The following KIF20A variants were observed in gnomAD, a reference collection of about 807,000 sequenced individuals.
KIF20A encodes kinesin-like protein KIF20A.
Under a neutral mutation model 113.0 loss-of-function variants are expected in KIF20A, and 66 were observed. The ratio of observed to expected loss-of-function variants is 0.58; its 90% confidence interval spans 0.48 to 0.72. The LOEUF (loss-of-function observed/expected upper bound fraction) is 0.72. KIF20A is among the 30% of genes least tolerant of loss of function. The pLI is 0.00. For missense variants in KIF20A, 927 were observed against 1,077.6 expected, an observed-to-expected ratio of 0.86 and a Z score of 1.96; for synonymous variants, 376 against 402.3, an observed-to-expected ratio of 0.93 and a Z score of 0.78.
chr5:138,181,767 G>A (rs1448954650), intron 4 of KIF20A, 39 bp downstream of exon 4: 7 of 1,609,566 alleles, frequency 4.3e-6, no homozygotes, highest in East Asian at 2.2e-5. Flanking sequence ...AGACCAACAT[G>A]TAAGGGCAAC....
chr5:138,186,070 C>G lies in KIF20A; in HGVS notation c.2217+18C>G. 1 of 1,606,344 alleles carries G rather than the reference C, an allele frequency of 6.2e-7. No homozygotes were observed. The highest frequency in any genetic ancestry group is 8.5e-7 in the Non-Finnish European group (1 of 1,173,280). On this transcript the variant is annotated intron_variant, in intron 17 of 18. Coordinates refer to ENST00000394894, the MANE Select transcript of KIF20A (RefSeq NM_005733.3). ...GCCAGAAGGTAATTACCACCATTCT[C>G]TGTTTACCAAACTCTTACCTAAGGC...
Position 138,185,810 on chromosome 5 carries a change from C to T in KIF20A, c.2125+100C>T, listed in dbSNP as rs969915699. The T allele has an allele frequency of 4.3e-6, 6 of 1,381,582 alleles. No homozygotes were observed. The East Asian group carries it at 9.3e-5, about 21-fold the overall frequency. The allele number at this position is 1,381,582 out of a possible 1,614,324, so 85.6% of individuals were successfully genotyped here. On this transcript the variant is annotated intron_variant, in intron 16 of 18. Transcript: ENST00000394894. ...TCCTGCTCTAACATAATTTCCTAAA[C>T]TGCAAGCTACATCCCCCTGACATTT...
intron 2 of KIF20A, 65 bp downstream of exon 2, chr5:138,179,910 G>C (rs1040748401): frequency 2.0e-5 from 30 of 1,529,670 alleles, no homozygotes; most frequent in Non-Finnish European, 2.6e-5. Context: ...TGTCCATACA[G>C]GGTAGTATGA....
At chr5:138,184,445 T>C in intron 12 of KIF20A, 41 bp downstream of exon 12, 1 of 1,612,900 alleles carries the variant, frequency 6.2e-7, no homozygotes. Context: ...CACTTGGAAC[T>C]GGTAACTCTA....
At chr5:138,186,507 G>A (rs765906052) in intron 18 of KIF20A, 76 bp downstream of exon 18, 43 of 1,478,864 alleles carry the variant, frequency 2.9e-5, no homozygotes, top group African/African-American at 4.3e-5. Context: ...AAGAGGACCA[G>A]AAGAAAAAGG....
Position 138,182,578 on chromosome 5 carries a change from G to A in KIF20A, c.515-8G>A. ...TGCCTCAGCTGTCCATCTTTCATATGCCTCCAGGTACCATCAAGGATGGAG... is the reference window on the plus strand; with the variant it reads ...TGCCTCAGCTGTCCATCTTTCATATACCTCCAGGTACCATCAAGGATGGAG... On this transcript the variant is annotated splice_polypyrimidine_tract_variant and splice_region_variant and intron_variant, in intron 5 of 18. Coordinates refer to ENST00000394894, the MANE Select transcript of KIF20A (RefSeq NM_005733.3). The A allele has an allele frequency of 6.2e-7, 1 of 1,613,994 alleles. No individual in the cohort carries two copies. Among genetic ancestry groups the A allele is most frequent in the Non-Finnish European group, 8.5e-7 (1 of 1,179,940 alleles).
chr5:138,187,621 T>C lies in KIF20A; in HGVS notation c.*208T>C. Reference sequence around the variant, plus strand: ...TTTTTATTTACTTATATGATTTCTATGCACACAAAAACAGTTATATTAAAG... The same window carrying C: ...TTTTTATTTACTTATATGATTTCTACGCACACAAAAACAGTTATATTAAAG... On this transcript the variant is annotated 3_prime_UTR_variant, in exon 19 of 19. Transcript: ENST00000394894. The C allele has an allele frequency of 2.2e-6, 1 of 452,338 alleles. No individual in the cohort carries two copies. The highest frequency in any genetic ancestry group is 3.9e-6 in the Non-Finnish European group (1 of 255,662). The allele number at this position is 452,338 out of a possible 1,614,324, so 28.0% of individuals were successfully genotyped here.
intron 14 of KIF20A, 73 bp from the exon 15 acceptor site, chr5:138,185,022 C>A: frequency 6.3e-7 from 1 of 1,593,242 alleles, no homozygotes; most frequent in Non-Finnish European, 8.6e-7. Context: ...TGGAGTTGTG[C>A]CTCAAGATCT....
intron 17 of KIF20A, 64 bp downstream of exon 17, chr5:138,186,116 C>G (rs913145621): frequency 3.3e-5 from 50 of 1,516,482 alleles, no homozygotes; most frequent in Non-Finnish European, 4.5e-5. Flanking sequence ...ATCCAACACT[C>G]TATCACTGGT....
rs1216299271 is a variant in KIF20A at position 138,185,969 on chromosome 5, A to C, written c.2134A>C (p.Lys712Gln). ...ELNSTTEELH[K>Q]YQKMLEPPPS... The stretch of plus-strand genomic sequence containing the variant: ...CTGTTTCCTTCCCTCAGAGTTGCAT[A>C]AGTATCAGAAAATGTTAGAACCACC... Residue 712 changes from lysine to glutamine, a missense_variant, in exon 17 of 19, where the codon AAG becomes CAG. Transcript: ENST00000394894. The C allele has an allele frequency of 6.2e-7, 1 of 1,613,920 alleles. No individual in the cohort carries two copies. The highest frequency in any genetic ancestry group is 8.5e-7 in the Non-Finnish European group (1 of 1,179,832).
At position 138,183,498 on chromosome 5, in the gene KIF20A, T is replaced by C. The variant is rs996737342; in HGVS notation, c.1056T>C (p.Ala352=). 1 of 1,614,002 alleles carries C rather than the reference T, an allele frequency of 6.2e-7. No homozygotes were observed. The highest frequency in any genetic ancestry group is 8.5e-7 in the Non-Finnish European group (1 of 1,180,016). The change falls in exon 9 of 19, where the codon GCT becomes GCC. Residue 352 remains alanine, a synonymous_variant. Transcript: ENST00000394894. This position sits in a 1 kb window ranked among gnomAD's most constrained non-coding sequence, Gnocchi z 5.2. ...KDLNWIHVQD[A]EEAWKLLKVG... ...TCAACTGGATTCATGTGCAAGATGCTGAGGAGGCCTGGAAGCTCCTAAAAG... is the reference window on the plus strand; with the variant it reads ...TCAACTGGATTCATGTGCAAGATGCCGAGGAGGCCTGGAAGCTCCTAAAAG...
chr5:138,179,569 G>A, intron 1 of KIF20A, 91 bp from the exon 2 acceptor site: 2 of 960,104 alleles, frequency 2.1e-6, no homozygotes, highest in Non-Finnish European at 3.2e-6. Flanking sequence ...GGGACACGGT[G>A]TCCTGGGGCA....
In KIF20A at chr5:138,185,720, GAGAC is replaced by G; in HGVS notation, c.2125+13_2125+16del. ...AACTCTACCACTGAAGGTGAGGAAAGAGACAGGCAGGAAACATAACAGTGGTTCA... is the reference window on the plus strand; with the variant it reads ...AACTCTACCACTGAAGGTGAGGAAAGAGGCAGGAAACATAACAGTGGTTCA... On this transcript the variant is annotated intron_variant, in intron 16 of 18. Transcript: ENST00000394894. 1 of 1,613,822 alleles carries G rather than the reference GAGAC, an allele frequency of 6.2e-7. No homozygotes were observed. The highest frequency in any genetic ancestry group is 8.5e-7 in the Non-Finnish European group (1 of 1,179,694).
At chr5:138,181,907 A>ATGAGTTGTGTGTCCAG in intron 4 of KIF20A, 179 bp downstream of exon 4, 1 of 649,788 alleles carries the variant, frequency 1.5e-6, no homozygotes. Context: ...ATCAGTTCTG[A>ATGAGTTGTGTGTCCAG]AAAATTCTAT....
intron 1 of KIF20A, 162 bp from the exon 2 acceptor site, chr5:138,179,498 G>A: frequency 6.7e-6 from 4 of 600,456 alleles, no homozygotes; most frequent in East Asian, 2.9e-5. Context: ...TGTTCATTAA[G>A]TGAACTTCTC....
chr5:138,182,665 A>C lies in KIF20A; in HGVS notation c.594A>C (p.Thr198=), dbSNP rs1434025123. Reference sequence around the variant, plus strand: ...GCCTCCAAGGCCAACTTCATCCAACACCTGATCTGAAGCCCTTGCTCTCCA... The same window carrying C: ...GCCTCCAAGGCCAACTTCATCCAACCCCTGATCTGAAGCCCTTGCTCTCCA... ...FNSLQGQLHP[T]PDLKPLLSNE... is the part of the protein sequence containing the mutation. Residue 198 remains threonine (T), a synonymous_variant, in exon 6 of 19, where the codon ACA becomes ACC. Coordinates refer to ENST00000394894, the MANE Select transcript of KIF20A (RefSeq NM_005733.3). 6.2e-7 allele frequency: 1 copy of C among 1,614,060 alleles called. No homozygotes were observed. Among genetic ancestry groups the C allele is most frequent in the South Asian group, 1.1e-5 (1 of 91,080 alleles).
At position 138,184,527 on chromosome 5, in the gene KIF20A, C is replaced by T; in HGVS notation, c.1534C>T (p.Pro512Ser). 1 of 1,613,854 alleles carries T rather than the reference C, an allele frequency of 6.2e-7. No homozygotes were observed. Among genetic ancestry groups the T allele is most frequent in the Non-Finnish European group, 8.5e-7 (1 of 1,179,790 alleles). The stretch of plus-strand genomic sequence containing the variant: ...TTCCCTCTAGCTTGTGCATGCCCCA[C>T]CTATGCAACTGGGATTCCCATCCCT... ...AIASQLVHAP[P>S]MQLGFPSLHS... The change falls in exon 13 of 19, where the codon CCT becomes TCT. Residue 512 changes from proline (P) to serine (S), a missense_variant. Coordinates refer to ENST00000394894, the MANE Select transcript of KIF20A (RefSeq NM_005733.3).
intron 16 of KIF20A, 51 bp from the exon 17 acceptor site, chr5:138,185,910 C>G: frequency 1.3e-6 from 2 of 1,535,284 alleles, no homozygotes; most frequent in Non-Finnish European, 9.0e-7. Context: ...GAGGTTAGTC[C>G]AAGGCTAAAA....
intron 2 of KIF20A, 93 bp downstream of exon 2, chr5:138,179,938 C>T (rs1264597711): frequency 2.3e-6 from 3 of 1,296,312 alleles, no homozygotes; most frequent in African/African-American, 3.0e-5. Context: ...GACTAGCAAT[C>T]CTAAAGGTCT....
Sources: allele counts gnomAD v4.1 joint callset, GRCh38; gene constraint gnomAD v4.1.1; non-coding constraint Gnocchi (gnomAD v3.1); transcripts MANE v1.5; gene names NCBI Gene and HGNC (gene_info 2026-07-23, HGNC 2026-07-21).